The following CSMD2 variants were observed in gnomAD, a reference collection of about 807,000 sequenced individuals.
CSMD2 encodes the protein CUB and Sushi multiple domains 2.
Under a neutral mutation model 398.5 loss-of-function variants are expected in CSMD2, and 130 were observed. The observed-to-expected ratio is 0.33, with a 90% CI of 0.28 to 0.38. CSMD2 has a LOEUF of 0.38. Ranked by LOEUF, CSMD2 falls within the 10% of genes least tolerant of loss-of-function variation. The pLI is 1.00. For synonymous variants in CSMD2, 1,828 were observed against 1,908.5 expected (o/e 0.96, Z 1.10); for missense variants, 3,829 against 4,764.9 (o/e 0.80, Z 5.78).
At chr1:33,760,484 G>A (rs542750778) in intron 13 of CSMD2, among the ~76,000 whole-genome samples, 3 of 152,252 alleles carry the variant, frequency 2.0e-5, no homozygotes, top group South Asian at 2.1e-4. Context: ...GAAAATATAC[G>A]TAGCCAGACC....
intron 1 of CSMD2, among the ~76,000 whole-genome samples, chr1:34,110,513 TA>T (rs577103958): frequency 4.7e-5 from 7 of 147,836 alleles, no homozygotes; most frequent in African/African-American, 1.7e-4. Flanking sequence ...TATCCAGCCA[TA>T]AAAAAAAAAC....
intron 3 of CSMD2, among the ~76,000 whole-genome samples, chr1:34,022,580 T>C (rs974238617): frequency 1.3e-5 from 2 of 152,172 alleles, no homozygotes; most frequent in African/African-American, 4.8e-5. Flanking sequence ...AGGGCTGTTG[T>C]ACACAGGGGC....
rs533303337 is a variant in CSMD2 at position 33,777,087 on chromosome 1, T to C, written c.1664-4336A>G. On this transcript the variant is annotated intron_variant, in intron 12 of 70. Transcript: ENST00000373381. ...CAGCATAAGGTCAAAGGGGAAGGGGTTTACACGTGGGTGGAATGGCATCGG... is the reference window on the plus strand; with the variant it reads ...CAGCATAAGGTCAAAGGGGAAGGGGCTTACACGTGGGTGGAATGGCATCGG... Among the ~76,000 whole-genome samples the C allele has an allele frequency of 1.0e-3, 154 of 151,808 alleles. 1 individual carries two copies. The highest frequency in any genetic ancestry group is 9.8e-3 in the South Asian group (47 of 4,784).
intron 5 of CSMD2, among the ~76,000 whole-genome samples, chr1:33,908,552 G>A (rs1325384261): frequency 6.6e-6 from 1 of 152,262 alleles, no homozygotes; most frequent in Non-Finnish European, 1.5e-5. Flanking sequence ...CAGGCCAGCT[G>A]CCCGACCTCA....
chr1:33,702,190 C>A (rs1422422122), intron 22 of CSMD2, among the ~76,000 whole-genome samples: 1 of 152,080 alleles, frequency 6.6e-6, no homozygotes, highest in East Asian at 1.9e-4. Context: ...GAGGGAGAAA[C>A]CTACAGATTA....
chr1:33,668,537 A>C (rs1169756442), intron 25 of CSMD2, among the ~76,000 whole-genome samples: 1 of 152,204 alleles, frequency 6.6e-6, no homozygotes, highest in Non-Finnish European at 1.5e-5. Flanking sequence ...ATAAATGCTA[A>C]TGAGCAGTTC....
intron 38 of CSMD2, 42 bp downstream of exon 38, chr1:33,617,457 A>C: frequency 6.7e-7 from 1 of 1,482,330 alleles, no homozygotes; most frequent in Admixed American, 1.7e-5. Context: ...ACCACATCTC[A>C]GGGGACACCT....
rs1435868330 is a variant in CSMD2, at chr1:33,524,926, T to C, written c.10352A>G (p.Asn3451Ser). ...GCCACTGTGGTCGATCATGGTGGCA[T>C]TGACCTTGCTGTTGGCAACTTGGAA... ...TGFQVANSKV[N>S]ATMIDHSGVE... Residue 3451 changes from asparagine (N) to serine (S), a missense_variant, in exon 66 of 71, where the codon AAT becomes AGT. Transcript: ENST00000373381. 7 of 1,614,100 alleles carry C rather than the reference T, an allele frequency of 4.3e-6. No homozygotes were observed. The highest frequency in any genetic ancestry group is 5.1e-6 in the Non-Finnish European group (6 of 1,180,050).
chr1:33,727,652 T>C (rs1424301693), intron 15 of CSMD2, among the ~76,000 whole-genome samples: 1 of 152,156 alleles, frequency 6.6e-6, no homozygotes, highest in Non-Finnish European at 1.5e-5. Flanking sequence ...CCTCGGTAAT[T>C]GTGGAAGCAA....
At chr1:33,774,154 T>C (rs1245864251) in intron 12 of CSMD2, among the ~76,000 whole-genome samples, 2 of 150,114 alleles carry the variant, frequency 1.3e-5, no homozygotes, top group Non-Finnish European at 3.0e-5. Flanking sequence ...TGTGTGATCA[T>C]CTAAGTTGAA....
chr1:33,576,909 A>G (rs775117599), intron 49 of CSMD2, among the ~76,000 whole-genome samples: 2 of 151,996 alleles, frequency 1.3e-5, no homozygotes, highest in African/African-American at 2.4e-5. Flanking sequence ...AATGCATGCA[A>G]ATTGACTGAC....
At chr1:33,690,212 G>A (rs1306674902) in intron 25 of CSMD2, among the ~76,000 whole-genome samples, 2 of 152,060 alleles carry the variant, frequency 1.3e-5, no homozygotes, top group African/African-American at 4.8e-5. Flanking sequence ...CCACCAAATC[G>A]CAGGTGATCA....
rs376804420 is a variant in CSMD2 at position 33,519,834 on chromosome 1, C to T, written c.10714G>A (p.Val3572Met). The T allele has an allele frequency of 1.5e-5, 24 of 1,613,676 alleles. No individual in the cohort carries two copies. The highest frequency in any genetic ancestry group is 1.3e-4 in the South Asian group (12 of 91,058). ...TACCTGTGCTTGTAGAGATAGAGCA[C>T]GAAGCCCGCAATAATGAGGGCGATG... ...PFIALIIAGF[V>M]LYLYKHRRRP... The change falls in exon 69 of 71, where the codon GTG (valine) becomes ATG (methionine). Residue 3572 changes from valine to methionine, a missense_variant. This residue lies in a region of CSMD2 where 917 missense variants were observed against 1,199.5 expected (regional missense o/e 0.76). Coordinates refer to ENST00000373381, the MANE Select transcript of CSMD2 (RefSeq NM_001281956.2). This position sits in a 1 kb window ranked among gnomAD's most constrained non-coding sequence, Gnocchi z 5.6.
chr1:33,886,984 T>G (rs750693899), intron 5 of CSMD2, among the ~76,000 whole-genome samples: 1 of 152,052 alleles, frequency 6.6e-6, no homozygotes, highest in Non-Finnish European at 1.5e-5. Flanking sequence ...GGTTTTTTTT[T>G]TTAAATTTAT....
At chr1:33,860,251 G>C (rs1639393137) in intron 5 of CSMD2, among the ~76,000 whole-genome samples, 1 of 152,098 alleles carries the variant, frequency 6.6e-6, no homozygotes, top group Non-Finnish European at 1.5e-5. Flanking sequence ...TCTTAGCCTT[G>C]CCCTGGTTTT....
At chr1:33,706,799 T>G (rs574462263) in intron 22 of CSMD2, among the ~76,000 whole-genome samples, 1 of 151,310 alleles carries the variant, frequency 6.6e-6, no homozygotes, top group Non-Finnish European at 1.5e-5. Flanking sequence ...TGTGTGTGTG[T>G]GCGCGTGCAT....
At chr1:33,812,816 C>A (rs1657008675) in intron 9 of CSMD2, among the ~76,000 whole-genome samples, 1 of 152,154 alleles carries the variant, frequency 6.6e-6, no homozygotes, top group African/African-American at 2.4e-5. Flanking sequence ...AATCAGACTC[C>A]CAATGCCATG....
chr1:33,739,291 A>G lies in CSMD2; in HGVS notation c.2217T>C (p.Asn739=), dbSNP rs1398232251. ...NECPDPGVPV[N]GKRFGDSLQL... is the part of the protein sequence containing the mutation. Reference sequence around the variant, plus strand: ...GGAGGCTGTCCCCAAACCGTTTGCCATTTACTGGAACGCCAGGATCCGGGC... The same window carrying G: ...GGAGGCTGTCCCCAAACCGTTTGCCGTTTACTGGAACGCCAGGATCCGGGC... Residue 739 remains asparagine (N), a synonymous_variant, in exon 15 of 71, where the codon AAT becomes AAC. Coordinates refer to ENST00000373381, the MANE Select transcript of CSMD2 (RefSeq NM_001281956.2). 3.7e-6 allele frequency: 6 copies of G among 1,614,038 alleles called. No individual in the cohort carries two copies. The highest frequency in any genetic ancestry group is 5.1e-6 in the Non-Finnish European group (6 of 1,179,958).
intron 25 of CSMD2, among the ~76,000 whole-genome samples, chr1:33,675,285 C>T (rs10798978): frequency 0.55 from 83,312 of 151,704 alleles, 23,172 homozygotes; most frequent in East Asian, 0.74. Flanking sequence ...ATATCACCAC[C>T]GATCCCACAG....
Sources: allele counts gnomAD v4.1 joint callset (sites outside exome capture counted in the v4.1 genomes callset), GRCh38; gene constraint gnomAD v4.1.1; regional missense constraint gnomAD v4.1.1; non-coding constraint Gnocchi (gnomAD v3.1); transcripts MANE v1.5; gene names NCBI Gene and HGNC (gene_info 2026-07-23, HGNC 2026-07-21).